Variants in L3MBTL4 observed in about 807,000 individuals in gnomAD.
L3MBTL4 encodes the protein L3MBTL histone methyl-lysine binding protein 4.
A neutral mutation model predicts 84.5 loss-of-function variants in L3MBTL4; 70 were observed. That is an observed-to-expected ratio of 0.83 (90% CI 0.68 to 1.01). The LOEUF (loss-of-function observed/expected upper bound fraction) is 1.01, where lower values mean the gene tolerates loss of function less well. Among genes scored for constraint, L3MBTL4 ranks in the 50% least tolerant of loss-of-function variants. The pLI is 0.00. For missense variants in L3MBTL4, 715 were observed against 754.8 expected (o/e 0.95, Z 0.62); for synonymous variants, 274 against 259.8 (o/e 1.05, Z -0.52).
chr18:6,142,945 TA>T (rs1191983838), intron 13 of L3MBTL4, among the ~76,000 whole-genome samples: 1 of 152,000 alleles, frequency 6.6e-6, no homozygotes, highest in Non-Finnish European at 1.5e-5. Flanking sequence ...ATTCAGTAAA[TA>T]AAAGGATCTA....
At chr18:5,966,161 G>A (rs755589781) in intron 17 of L3MBTL4, among the ~76,000 whole-genome samples, 4 of 151,990 alleles carry the variant, frequency 2.6e-5, no homozygotes, top group East Asian at 1.9e-4. Context: ...TCCCAATCCC[G>A]TGATTTTGTT....
intron 1 of L3MBTL4, among the ~76,000 whole-genome samples, chr18:6,357,585 T>A (rs915853036): frequency 5.9e-5 from 9 of 152,166 alleles, no homozygotes; most frequent in African/African-American, 2.2e-4. Flanking sequence ...CTGCCAGGTT[T>A]TAAATCACTC....
At chr18:6,162,081 CAG>C (rs1302704673) in intron 13 of L3MBTL4, among the ~76,000 whole-genome samples, 1 of 151,712 alleles carries the variant, frequency 6.6e-6, no homozygotes, top group Non-Finnish European at 1.5e-5. Context: ...TAAAGAAAAA[CAG>C]ATGAGAATAA....
chr18:6,357,444 C>A (rs1851660796), intron 1 of L3MBTL4, among the ~76,000 whole-genome samples: 2 of 152,114 alleles, frequency 1.3e-5, no homozygotes. Context: ...ATTTTGGTAT[C>A]TTTTCTATAA....
intron 5 of L3MBTL4, among the ~76,000 whole-genome samples, chr18:6,258,043 G>C (rs781284995): frequency 6.6e-5 from 10 of 152,192 alleles, no homozygotes; most frequent in Non-Finnish European, 5.9e-5. Context: ...GAATGGAAAG[G>C]ATGCAGAGCA....
In L3MBTL4 at chr18:6,294,095, T is replaced by C. The variant is rs192031601; in HGVS notation, c.127+7808A>G. Among the ~76,000 whole-genome samples, 41 of 152,254 alleles carry C rather than the reference T, an allele frequency of 2.7e-4. 1 individual carries two copies. In the East Asian group the frequency reaches 7.7e-3, roughly 29 times the overall value. On this transcript the variant is annotated intron_variant, in intron 4 of 18. Transcript: ENST00000317931. Reference sequence around the variant, plus strand: ...TGGTTGGGCAGGGCATGTTCTTATATGTAGGAAATACATAATAATGTATCG... The same window carrying C: ...TGGTTGGGCAGGGCATGTTCTTATACGTAGGAAATACATAATAATGTATCG...
intron 13 of L3MBTL4, among the ~76,000 whole-genome samples, chr18:6,162,958 G>T (rs1270943155): frequency 1.3e-5 from 2 of 152,164 alleles, no homozygotes; most frequent in Non-Finnish European, 2.9e-5. Context: ...AGGGCTTTGT[G>T]TGCATGCAAA....
At chr18:6,360,886 T>A (rs781195646) in intron 1 of L3MBTL4, among the ~76,000 whole-genome samples, 1 of 150,952 alleles carries the variant, frequency 6.6e-6, no homozygotes, top group Non-Finnish European at 1.5e-5. Flanking sequence ...GGTAGCATAC[T>A]TTTGTAGTCT....
At chr18:6,095,388 C>T (rs2058603334) in intron 14 of L3MBTL4, among the ~76,000 whole-genome samples, 1 of 145,036 alleles carries the variant, frequency 6.9e-6, no homozygotes, top group African/African-American at 2.7e-5. Context: ...CGCTCCGTCG[C>T]CCAGGCTGGA....
chr18:6,086,199 T>A (rs1355833715), intron 15 of L3MBTL4, among the ~76,000 whole-genome samples: 1 of 152,184 alleles, frequency 6.6e-6, no homozygotes, highest in East Asian at 1.9e-4. Context: ...AGGTTAAGTA[T>A]ACAGATGATA....
At chr18:6,176,997 C>T (rs28595042) in intron 12 of L3MBTL4, among the ~76,000 whole-genome samples, 7,424 of 152,206 alleles carry the variant, frequency 0.049, 630 homozygotes, top group African/African-American at 0.17. Flanking sequence ...CAGTTACTGC[C>T]GAGGCTGTGG....
At chr18:6,115,904 G>T (rs2059343404) in intron 14 of L3MBTL4, among the ~76,000 whole-genome samples, 1 of 152,188 alleles carries the variant, frequency 6.6e-6, no homozygotes, top group South Asian at 2.1e-4. Flanking sequence ...CCAGGCCTCT[G>T]TTTGCTCGGC....
chr18:6,003,712 C>A (rs533966459), intron 16 of L3MBTL4, among the ~76,000 whole-genome samples: 5 of 151,942 alleles, frequency 3.3e-5, no homozygotes, highest in Admixed American at 1.3e-4. Flanking sequence ...CCTCTGACCA[C>A]AATTAGGTGA....
chr18:6,012,566 T>G (rs1225214739), intron 16 of L3MBTL4, among the ~76,000 whole-genome samples: 1 of 152,060 alleles, frequency 6.6e-6, no homozygotes, highest in Admixed American at 6.5e-5. Context: ...GGCTCATGCC[T>G]ATAATCCCAG....
At chr18:6,036,651 G>A (rs1347503179) in intron 16 of L3MBTL4, among the ~76,000 whole-genome samples, 1 of 152,106 alleles carries the variant, frequency 6.6e-6, no homozygotes, top group African/African-American at 2.4e-5. Flanking sequence ...ATTTGAATGA[G>A]CCAAACTTTC....
intron 1 of L3MBTL4, among the ~76,000 whole-genome samples, chr18:6,392,336 A>T (rs909402027): frequency 1.3e-5 from 2 of 152,152 alleles, no homozygotes; most frequent in African/African-American, 4.8e-5. Context: ...ATCACTTGAG[A>T]TCGGGAGTTC....
rs1220157076 is a variant in L3MBTL4 at position 6,094,724 on chromosome 18, T to C, written c.1200-1196A>G. On this transcript the variant is annotated intron_variant, in intron 14 of 18. Coordinates refer to ENST00000317931, the MANE Select transcript of L3MBTL4 (RefSeq NM_001330559.2). ...AGATTTCTGGTCCACAATTTTATCA[T>C]GAGTCCAGCGAACATAATAAAAATA... Among the ~76,000 whole-genome samples the C allele has an allele frequency of 2.0e-5, 3 of 152,146 alleles. No individual in the cohort carries two copies. The East Asian group carries it at 5.8e-4, about 29-fold the overall frequency.
chr18:6,198,722 T>G (rs1346391897), intron 12 of L3MBTL4, among the ~76,000 whole-genome samples: 2 of 152,198 alleles, frequency 1.3e-5, no homozygotes, highest in African/African-American at 4.8e-5. Flanking sequence ...CTCAGCCTAT[T>G]CAAAGGGGAC....
chr18:6,217,760 T>G (rs1402998186), intron 10 of L3MBTL4, among the ~76,000 whole-genome samples: 1 of 152,204 alleles, frequency 6.6e-6, no homozygotes, highest in Admixed American at 6.5e-5. Flanking sequence ...TAGAGAAAAT[T>G]TCCCTTTCCC....
Sources: allele counts gnomAD v4.1 joint callset (sites outside exome capture counted in the v4.1 genomes callset), GRCh38; gene constraint gnomAD v4.1.1; transcripts MANE v1.5; gene names NCBI Gene and HGNC (gene_info 2026-07-23, HGNC 2026-07-21).